The following TMTC2 variants were observed in gnomAD, a reference collection of about 807,000 sequenced individuals.
TMTC2 encodes protein O-mannosyl-transferase TMTC2.
Under a neutral mutation model 82.4 loss-of-function variants are expected in TMTC2, and 43 were observed. That is an observed-to-expected ratio of 0.52 (90% CI 0.41 to 0.67). The LOEUF (loss-of-function observed/expected upper bound fraction) is 0.67. TMTC2 is among the 30% of genes least tolerant of loss of function. The pLI, the probability that TMTC2 is intolerant of heterozygous loss-of-function variation, is 0.00. For synonymous variants in TMTC2, 408 were observed against 381.9 expected, an observed-to-expected ratio of 1.07 and a Z score of -0.80; for missense variants, 919 against 1,012.4, an observed-to-expected ratio of 0.91 and a Z score of 1.25.
chr12:82,741,074 C>T (rs1399459421), intron 1 of TMTC2, among the ~76,000 whole-genome samples: 1 of 152,156 alleles, frequency 6.6e-6, no homozygotes, highest in East Asian at 1.9e-4. Context: ...TTTAGTGATA[C>T]CCACTTTGAA....
chr12:83,014,337 T>G (rs1565853156), intron 8 of TMTC2, among the ~76,000 whole-genome samples: 1 of 151,532 alleles, frequency 6.6e-6, no homozygotes, highest in African/African-American at 2.4e-5. Context: ...TAATTTTTGT[T>G]TTTTGGTTTT....
chr12:82,875,899 TA>T (rs781413116), intron 2 of TMTC2, among the ~76,000 whole-genome samples: 14,452 of 113,518 alleles, frequency 0.13, 1,632 homozygotes, highest in African/African-American at 0.31. Context: ...AGCTCACGCT[TA>T]AAAAAAAAAA....
intron 1 of TMTC2, among the ~76,000 whole-genome samples, chr12:82,819,420 T>C (rs1365862823): frequency 6.6e-6 from 1 of 151,956 alleles, no homozygotes; most frequent in Non-Finnish European, 1.5e-5. Context: ...CAGTTTATCA[T>C]GGTTCCTCTT....
chr12:82,708,080 TTA>T (rs1714815013), intron 1 of TMTC2, among the ~76,000 whole-genome samples: 1 of 152,142 alleles, frequency 6.6e-6, no homozygotes, highest in Non-Finnish European at 1.5e-5. Context: ...GCCCATTCAT[TTA>T]TGTGTTGTCT....
chr12:82,743,062 T>A (rs1875501579), intron 1 of TMTC2, among the ~76,000 whole-genome samples: 1 of 152,218 alleles, frequency 6.6e-6, no homozygotes, highest in African/African-American at 2.4e-5. Flanking sequence ...GCTGTAGACC[T>A]TGTTACTTAT....
At chr12:83,016,473 G>A (rs1356251573) in intron 8 of TMTC2, among the ~76,000 whole-genome samples, 2 of 152,118 alleles carry the variant, frequency 1.3e-5, no homozygotes, top group Non-Finnish European at 2.9e-5. Flanking sequence ...TGTGTAACAA[G>A]AGTTCTTTTA....
chr12:82,969,296 G>A (rs1001120839), intron 7 of TMTC2, among the ~76,000 whole-genome samples: 1 of 152,236 alleles, frequency 6.6e-6, no homozygotes, highest in Non-Finnish European at 1.5e-5. Context: ...GGATTATAAT[G>A]TCTGGCTAGA....
At position 82,930,448 on chromosome 12, in the gene TMTC2, A is replaced by ACATTTCCAAGGTT. The variant is rs764403647; in HGVS notation, c.1501_1502insCATTTCCAAGGTT (p.Asn501ThrfsTer15). On this transcript the variant is annotated frameshift_variant, in exon 4 of 12. Coordinates refer to ENST00000321196, the MANE Select transcript of TMTC2 (RefSeq NM_152588.3). LOFTEE classifies it high-confidence loss of function. ...CTTGGCAGCATGGGGTAACCTTGGA[A>ACATTTCCAAGGTT]ATGTTCTGAAGAGTCAGAGCAAAAT... is the stretch of plus-strand genomic sequence containing the variant. 1.3e-6 allele frequency: 2 copies of ACATTTCCAAGGTT among 1,593,004 alleles called. No homozygotes were observed. Among genetic ancestry groups the ACATTTCCAAGGTT allele is most frequent in the Admixed American group, 3.4e-5 (2 of 59,282 alleles).
intron 1 of TMTC2, among the ~76,000 whole-genome samples, chr12:82,722,565 T>C (rs1261824481): frequency 2.4e-3 from 7 of 2,882 alleles, no homozygotes; most frequent in Admixed American, 0.017. Context: ...AGACTCCATC[T>C]CAAAAAAAAA....
intron 7 of TMTC2, among the ~76,000 whole-genome samples, chr12:82,975,073 C>G (rs557977872): frequency 2.0e-4 from 30 of 152,218 alleles, no homozygotes; most frequent in Admixed American, 4.6e-4. Flanking sequence ...GACAGGAGAA[C>G]AGGAGGAGTT....
At chr12:83,065,395 T>G (rs1882882101) in intron 11 of TMTC2, among the ~76,000 whole-genome samples, 2 of 151,862 alleles carry the variant, frequency 1.3e-5, no homozygotes. Flanking sequence ...AGGCACAAAA[T>G]AAGTTTTATA....
chr12:82,730,054 C>G (rs554113758), intron 1 of TMTC2, among the ~76,000 whole-genome samples: 131 of 152,228 alleles, frequency 8.6e-4, no homozygotes, highest in African/African-American at 3.1e-3. Flanking sequence ...TCAGAAGGAA[C>G]AAACTCCGGA....
At chr12:82,914,849 G>A (rs1049708172) in intron 3 of TMTC2, among the ~76,000 whole-genome samples, 4 of 136,360 alleles carry the variant, frequency 2.9e-5, no homozygotes, top group African/African-American at 8.8e-5. Flanking sequence ...TTTTGAGACG[G>A]AGTTTCGCTC....
At chr12:82,812,749 A>AT (rs573273066) in intron 1 of TMTC2, among the ~76,000 whole-genome samples, 9 of 151,338 alleles carry the variant, frequency 5.9e-5, no homozygotes, top group South Asian at 2.1e-4. Flanking sequence ...TTTTGCTCTT[A>AT]TTTTTTTTAT....
At chr12:82,860,353 G>A (rs1871481017) in intron 2 of TMTC2, among the ~76,000 whole-genome samples, 1 of 152,214 alleles carries the variant, frequency 6.6e-6, no homozygotes, top group Admixed American at 6.5e-5. Context: ...AGCCAGAGAT[G>A]TGTAGGTAAC....
intron 2 of TMTC2, among the ~76,000 whole-genome samples, chr12:82,862,653 T>C (rs756089003): frequency 9.8e-5 from 15 of 152,324 alleles, no homozygotes; most frequent in South Asian, 4.1e-4. Flanking sequence ...TATGGGAAAA[T>C]TGGAGACATT....
intron 1 of TMTC2, among the ~76,000 whole-genome samples, chr12:82,856,506 C>A (rs894495812): frequency 2.0e-5 from 3 of 152,170 alleles, no homozygotes; most frequent in Non-Finnish European, 2.9e-5. Flanking sequence ...CCTACTGAAT[C>A]AGAACCTGCC....
chr12:83,018,456 T>C (rs144738604), intron 8 of TMTC2, among the ~76,000 whole-genome samples: 17 of 152,308 alleles, frequency 1.1e-4, no homozygotes, highest in African/African-American at 1.9e-4. Flanking sequence ...TGATAACAAA[T>C]GAGAAACACC....
chr12:82,843,716 G>T (rs929474704), intron 1 of TMTC2, among the ~76,000 whole-genome samples: 1 of 152,212 alleles, frequency 6.6e-6, no homozygotes, highest in Middle Eastern at 3.4e-3. Context: ...GGGAGTCCGG[G>T]GCGGGTGGAT....
Sources: gnomAD v4.1 joint callset for allele counts (sites outside exome capture counted in the v4.1 genomes callset) on GRCh38, gnomAD v4.1.1 for gene constraint, MANE v1.5 for transcripts, NCBI Gene and HGNC (gene_info 2026-07-23, HGNC 2026-07-21) for gene names.